PIM2: variants seen among roughly 807,000 people sequenced by gnomAD.
PIM2 encodes serine/threonine-protein kinase pim-2.
A neutral mutation model predicts 18.0 loss-of-function variants in PIM2; 3 were observed. The ratio of observed to expected loss-of-function variants is 0.17; its 90% CI spans 0.08 to 0.43. The LOEUF is 0.43. PIM2 is among the 20% of genes least tolerant of loss of function. The pLI is 0.99. For synonymous variants in PIM2, 117 were observed against 105.3 expected (o/e 1.11, Z -0.68); for missense variants, 181 against 260.8 (o/e 0.69, Z 2.11).
At chrX:48,914,610 G>A (rs781787088) in intron 4 of PIM2, 39 bp from the exon 5 acceptor site, 1 of 1,134,438 alleles carries the variant, frequency 8.8e-7, no homozygotes, top group Non-Finnish European at 1.2e-6. Flanking sequence ...TCAATCTCAT[G>A]ATGCCCTTCT....
chrX:48,916,826 C>A (rs1281645604), intron 3 of PIM2, among the ~76,000 whole-genome samples: 2 of 106,794 alleles, frequency 1.9e-5, no homozygotes, highest in Non-Finnish European at 3.8e-5. Flanking sequence ...CCAGCCCAGG[C>A]AGCAGAGCGA....
intron 3 of PIM2, among the ~76,000 whole-genome samples, chrX:48,917,520 T>C (rs1247409708): frequency 8.8e-6 from 1 of 113,124 alleles, no homozygotes. Flanking sequence ...CTGCCCCTTG[T>C]TCCCCACCAG....
chrX:48,915,198 T>C lies in PIM2; in HGVS notation c.417A>G (p.Pro139=). ...ITEKGPLGEG[P]SRCFFGQVVA... ...CTACTTGGCCAAAGAAGCAGCGGCT[T>C]GGGCCTTCACCCAGTGGGCCCTTCT... The change falls in exon 4 of 6, where the codon CCA becomes CCG. Residue 139 remains proline (P), a synonymous_variant. Coordinates refer to ENST00000376509, the MANE Select transcript of PIM2 (RefSeq NM_006875.4). 1 of 1,212,272 alleles carries C rather than the reference T, an allele frequency of 8.2e-7. No homozygotes were observed.
At chrX:48,918,297 T>TCC (rs2063568718) in intron 2 of PIM2, among the ~76,000 whole-genome samples, 1 of 7,081 alleles carries the variant, frequency 1.4e-4, no homozygotes, top group African/African-American at 8.5e-4. Context: ...TGAAGCCCCC[T>TCC]GCCCCCCCCC....
chrX:48,914,803 C>A (rs1295919901), intron 4 of PIM2: 9 of 458,073 alleles, frequency 2.0e-5, no homozygotes, highest in Admixed American at 4.4e-5. Flanking sequence ...GTAACAGGAT[C>A]CCCTCACCAG....
chrX:48,918,669 T>A (rs2063570287), intron 1 of PIM2, 24 bp from the exon 2 acceptor site: 1 of 1,148,420 alleles, frequency 8.7e-7, no homozygotes, highest in African/African-American at 1.8e-5. Context: ...GGCGAGGAAG[T>A]CAGGGTGGCG....
chrX:48,918,727 C>A, intron 1 of PIM2, 47 bp downstream of exon 1: 1 of 1,150,240 alleles, frequency 8.7e-7, no homozygotes. Context: ...TGCAACCCAT[C>A]ATTCCAGCCC....
chrX:48,915,501 G>GTGT (rs2063560813), intron 3 of PIM2, 109 bp from the exon 4 acceptor site: 1 of 779,890 alleles, frequency 1.3e-6, no homozygotes, highest in African/African-American at 2.1e-5. Flanking sequence ...TTTCCTGACA[G>GTGT]TGTGTCGCTA....
At chrX:48,915,563 C>A in intron 3 of PIM2, 171 bp from the exon 4 acceptor site, 1 of 454,886 alleles carries the variant, frequency 2.2e-6, no homozygotes, top group African/African-American at 2.4e-5. Context: ...CACAAACTCA[C>A]ACAGCGATTG....
At chrX:48,918,748 G>T in intron 1 of PIM2, 26 bp downstream of exon 1, 1 of 1,178,510 alleles carries the variant, frequency 8.5e-7, no homozygotes, top group Non-Finnish European at 1.1e-6. Context: ...ACCCCGTCTG[G>T]TTGCAGTAGG....
Position 48,915,040 on chromosome X carries a change from T to C in PIM2, c.575A>G (p.Glu192Gly). 8.3e-7 allele frequency: 1 copy of C among 1,206,934 alleles called. No homozygotes were observed. The highest frequency in any genetic ancestry group is 1.7e-5 in the African/African-American group (1 of 57,716). The change falls in exon 4 of 6, where the codon GAA becomes GGA. Residue 192 changes from glutamate (E) to glycine (G), a missense_variant. Physicochemically the swap from Glu to Gly is moderately conservative, Grantham distance 98. Transcript: ENST00000376509. ...DFGSGALLHD[E>G]PYTDFDGTRV... The stretch of plus-strand genomic sequence containing the variant: ...CTTACCATCAAAGTCAGTGTAGGGT[T>C]CATCATGAAGCAGGGCACCAGAACC...
At chrX:48,917,541 G>A (rs1294315061) in intron 3 of PIM2, among the ~76,000 whole-genome samples, 2 of 113,206 alleles carry the variant, frequency 1.8e-5, no homozygotes, top group Non-Finnish European at 3.7e-5. Flanking sequence ...CACGCCCTGC[G>A]GGCAGTCCCC....
chrX:48,917,748 A>T, intron 3 of PIM2, 33 bp downstream of exon 3: 1 of 1,123,474 alleles, frequency 8.9e-7, no homozygotes, highest in Non-Finnish European at 1.2e-6. Flanking sequence ...GTGATGGAGT[A>T]GGTAGGTTAG....
rs142106912 is a variant in PIM2, at chrX:48,914,516, G to A, written c.651C>T (p.Leu217=). ...TGCCCAGTGACCAGACAGTGGCCGG[G>A]AGTGCATGGTACTGGTGTCGAGAGA... ...EWISRHQYHA[L]PATVWSLGIL... is the part of the protein sequence containing the mutation. The change falls in exon 5 of 6, where the codon CTC becomes CTT. Residue 217 remains leucine, a synonymous_variant. Transcript: ENST00000376509. 6.7e-4 allele frequency: 806 copies of A among 1,206,992 alleles called. No homozygotes were observed. The highest frequency in any genetic ancestry group is 8.7e-4 in the Non-Finnish European group (778 of 894,117).
chrX:48,918,759 G>A lies in PIM2; in HGVS notation c.61+15C>T, dbSNP rs1557045571. On this transcript the variant is annotated intron_variant, in intron 1 of 5. Coordinates refer to ENST00000376509, the MANE Select transcript of PIM2 (RefSeq NM_006875.4). ...GCCCACCCCGTCTGGTTGCAGTAGG[G>A]GAGGATGTACTCACCTGGCGGCGGC... 8.4e-7 allele frequency: 1 copy of A among 1,188,196 alleles called. No individual in the cohort carries two copies.
intron 3 of PIM2, among the ~76,000 whole-genome samples, chrX:48,917,155 CAA>C (rs35615368): frequency 4.1e-5 from 4 of 98,617 alleles, no homozygotes; most frequent in Admixed American, 1.1e-4. Flanking sequence ...ACTGTGTCTC[CAA>C]AAAAAAAAAA....
In PIM2 at chrX:48,914,258, T is replaced by G. The variant is rs1557044946; in HGVS notation, c.809A>C (p.Lys270Thr). 1 of 1,206,484 alleles carries G rather than the reference T, an allele frequency of 8.3e-7. No homozygotes were observed. Among genetic ancestry groups the G allele is most frequent in the African/African-American group, 1.8e-5 (1 of 56,724 alleles). The part of the protein sequence containing the change: ...CALIRRCLAP[K>T]PSSRPSLEEI... ...TTCCAGTGAGGGTCGGGAAGAAGGT[T>G]TGGGGGCCAGGCACCGGCGGATTAG... The change falls in exon 6 of 6, where the codon AAA (lysine) becomes ACA (threonine). Residue 270 changes from lysine (K) to threonine (T), a missense_variant. Coordinates refer to ENST00000376509, the MANE Select transcript of PIM2 (RefSeq NM_006875.4).
chrX:48,915,082 G>A lies in PIM2; in HGVS notation c.533C>T (p.Ala178Val), dbSNP rs1557045083. The change falls in exon 4 of 6, where the codon GCC (alanine) becomes GTC (valine). Residue 178 changes from alanine (A) to valine (V), a missense_variant. By Grantham distance (64) the Ala-to-Val change is moderately conservative. This residue lies in a region of PIM2 where 26 missense variants were observed against 31.1 expected (regional missense o/e 0.84). Transcript: ENST00000376509. ...NILIDLRRGC[A>V]KLIDFGSGAL... ...ACCAGAACCAAAATCAATGAGTTTGGCACAGCCACGGCGTAGGTCTATCAG... is the reference window on the plus strand; with the variant it reads ...ACCAGAACCAAAATCAATGAGTTTGACACAGCCACGGCGTAGGTCTATCAG... 4.1e-6 allele frequency: 5 copies of A among 1,209,897 alleles called. No individual in the cohort carries two copies. The Admixed American group carries it at 8.7e-5, about 21-fold the overall frequency.
chrX:48,914,328 A>T, intron 5 of PIM2, 34 bp from the exon 6 acceptor site: 2 of 1,210,735 alleles, frequency 1.7e-6, no homozygotes, highest in Non-Finnish European at 2.2e-6. Context: ...GAAGATTAGC[A>T]GTCAGTAGGG....
Sources: allele counts gnomAD v4.1 joint callset (sites outside exome capture counted in the v4.1 genomes callset), GRCh38; gene constraint gnomAD v4.1.1; regional missense constraint gnomAD v4.1.1; transcripts MANE v1.5; gene names NCBI Gene and HGNC (gene_info 2026-07-23, HGNC 2026-07-21).